Variants in NIPBL observed in about 807,000 individuals in gnomAD.
The protein encoded by NIPBL is nipped-B-like protein.
In NIPBL, 19 loss-of-function variants were observed where a neutral mutation model predicts 321.8. That is an observed-to-expected ratio of 0.06 (90% CI 0.04 to 0.09). The LOEUF is 0.09. NIPBL is among the 10% of genes least tolerant of loss of function. The probability of loss-of-function intolerance (pLI) is 1.00; values close to 1 mark genes in which losing one functional copy is unlikely to be tolerated. For synonymous variants in NIPBL, 1,106 were observed against 1,114.1 expected (o/e 0.99, Z 0.14); for missense variants, 2,210 against 3,327.0 (o/e 0.66, Z 8.26).
At chr5:37,034,317 A>C (rs1751451619) in intron 32 of NIPBL, among the ~76,000 whole-genome samples, 1 of 152,232 alleles carries the variant, frequency 6.6e-6, no homozygotes, top group African/African-American at 2.4e-5. Context: ...ATTTCATAAA[A>C]TTATCTCATA....
intron 1 of NIPBL, among the ~76,000 whole-genome samples, chr5:36,916,349 A>G (rs896077889): frequency 1.3e-5 from 2 of 152,224 alleles, no homozygotes; most frequent in South Asian, 4.1e-4. Flanking sequence ...CTTTTTAACA[A>G]TACAATTAAT....
chr5:36,903,624 G>C (rs1747402388), intron 1 of NIPBL, among the ~76,000 whole-genome samples: 3 of 152,088 alleles, frequency 2.0e-5, no homozygotes, highest in Admixed American at 6.5e-5. Flanking sequence ...TGTTTGGGCT[G>C]AATGAATTCA....
At chr5:37,002,044 T>C (rs1746869751) in intron 14 of NIPBL, among the ~76,000 whole-genome samples, 1 of 152,006 alleles carries the variant, frequency 6.6e-6, no homozygotes, top group Non-Finnish European at 1.5e-5. Flanking sequence ...TAGGATAATA[T>C]GAGGAGGAGT....
At position 37,036,335 on chromosome 5, in the gene NIPBL, GTATATATATATGTATATATATA is replaced by G. The variant is rs770311585; in HGVS notation, c.5863-23_5863-2del. On this transcript the variant is annotated intron_variant, in intron 32 of 46. Coordinates refer to ENST00000282516, the MANE Select transcript of NIPBL (RefSeq NM_133433.4). ...ATACCGGGATTTTTTTTTCTTTTTT[GTATATATATATGTATATATATA>G]TATATATATATGTATATATAGTTGT... 200 of 456,962 alleles carry G rather than the reference GTATATATATATGTATATATATA, an allele frequency of 4.4e-4. 2 individuals are homozygous for G. The highest frequency in any genetic ancestry group is 6.7e-4 in the East Asian group (11 of 16,434). 28.3% of individuals were successfully genotyped at this position (456,962 alleles called of 1,614,324 possible). A position where few individuals can be genotyped will look rare whatever the true frequency, so the allele number is the denominator to read the frequency against.
chr5:36,911,776 C>A (rs935524042), intron 1 of NIPBL, among the ~76,000 whole-genome samples: 3 of 152,066 alleles, frequency 2.0e-5, no homozygotes, highest in African/African-American at 7.2e-5. Flanking sequence ...TTTAAAATGT[C>A]TTTTACCACA....
chr5:36,942,635 G>T (rs1000899820), intron 1 of NIPBL, among the ~76,000 whole-genome samples: 2 of 151,058 alleles, frequency 1.3e-5, no homozygotes, highest in Non-Finnish European at 3.0e-5. Flanking sequence ...CAGCTACTTG[G>T]GGGGCTGAGG....
chr5:37,049,660 AC>A (rs1386651583), intron 40 of NIPBL, among the ~76,000 whole-genome samples: 1 of 152,360 alleles, frequency 6.6e-6, no homozygotes, highest in East Asian at 1.9e-4. Flanking sequence ...AATCTGTTCA[AC>A]AGGGTGGAGT....
intron 42 of NIPBL, among the ~76,000 whole-genome samples, chr5:37,053,564 A>G (rs571460868): frequency 4.6e-5 from 7 of 152,290 alleles, no homozygotes; most frequent in Admixed American, 1.3e-4. Context: ...CTCTCTCTCA[A>G]AATACCCTGT....
At chr5:37,030,236 G>A (rs1477811392) in intron 32 of NIPBL, among the ~76,000 whole-genome samples, 4 of 152,076 alleles carry the variant, frequency 2.6e-5, no homozygotes, top group Non-Finnish European at 5.9e-5. Flanking sequence ...TAGTAAGTTA[G>A]TTTATCCATC....
At chr5:36,885,783 T>A in intron 1 of NIPBL, 1 of 626,578 alleles carries the variant, frequency 1.6e-6, no homozygotes, top group Non-Finnish European at 3.0e-6. Context: ...GACACCAGTG[T>A]CACTTGGCTG....
intron 1 of NIPBL, among the ~76,000 whole-genome samples, chr5:36,922,328 C>G (rs536229987): frequency 6.6e-6 from 1 of 152,082 alleles, no homozygotes; most frequent in South Asian, 2.1e-4. Context: ...TACTCTTACC[C>G]TAAACCTATT....
At position 37,019,394 on chromosome 5, in the gene NIPBL, A is replaced by G. The variant is rs1294757029; in HGVS notation, c.5004A>G (p.Ser1668=). 9 of 1,606,278 alleles carry G rather than the reference A, an allele frequency of 5.6e-6. No homozygotes were observed. The highest frequency in any genetic ancestry group is 7.7e-6 in the Non-Finnish European group (9 of 1,173,034). The part of the protein sequence containing the change: ...YLDENTETDP[S]LVFSRKFYIA... ...ATGAAAACACTGAGACTGATCCTTC[A>G]CTAGTGGTAGGATTCTTTTCCCCTG... The change falls in exon 25 of 47, where the codon TCA becomes TCG. Residue 1668 remains serine, a synonymous_variant. Coordinates refer to ENST00000282516, the MANE Select transcript of NIPBL (RefSeq NM_133433.4).
intron 33 of NIPBL, among the ~76,000 whole-genome samples, chr5:37,037,793 T>G (rs1751878740): frequency 6.6e-6 from 1 of 151,940 alleles, no homozygotes; most frequent in Non-Finnish European, 1.5e-5. Context: ...CCAGTGTATT[T>G]CCTGATTAGC....
chr5:36,997,283 T>G (rs552260729), intron 11 of NIPBL, among the ~76,000 whole-genome samples: 16 of 152,320 alleles, frequency 1.1e-4, no homozygotes, highest in Non-Finnish European at 2.9e-5. Flanking sequence ...CCAGTTTGAT[T>G]TCAAATGACA....
chr5:36,900,988 G>A (rs1355589255), intron 1 of NIPBL, among the ~76,000 whole-genome samples: 2 of 152,092 alleles, frequency 1.3e-5, no homozygotes, highest in Non-Finnish European at 2.9e-5. Flanking sequence ...TACATGTGCA[G>A]GTTTGTTACA....
intron 8 of NIPBL, among the ~76,000 whole-genome samples, chr5:36,974,265 T>C (rs1188218243): frequency 6.6e-6 from 1 of 152,162 alleles, no homozygotes; most frequent in Non-Finnish European, 1.5e-5. Context: ...CTCACTAATA[T>C]ATTATTCACC....
chr5:37,043,471 G>C (rs1257677923), intron 34 of NIPBL, among the ~76,000 whole-genome samples: 1 of 151,656 alleles, frequency 6.6e-6, no homozygotes, highest in Non-Finnish European at 1.5e-5. Flanking sequence ...AGGTTGCAGT[G>C]AGCCAAGATC....
chr5:36,901,512 T>TC (rs1284558964), intron 1 of NIPBL, among the ~76,000 whole-genome samples: 6 of 137,938 alleles, frequency 4.3e-5, no homozygotes, highest in Non-Finnish European at 7.6e-5. Context: ...TTTTTTTTTT[T>TC]TTTTTTTTTT....
At chr5:36,950,095 C>T (rs771667300) in intron 1 of NIPBL, among the ~76,000 whole-genome samples, 7 of 151,908 alleles carry the variant, frequency 4.6e-5, no homozygotes, top group Admixed American at 6.6e-5. Flanking sequence ...TGCTTTCTGT[C>T]GCCAGTATTT....
Sources: allele counts gnomAD v4.1 joint callset (sites outside exome capture counted in the v4.1 genomes callset), GRCh38; gene constraint gnomAD v4.1.1; transcripts MANE v1.5; gene names NCBI Gene and HGNC (gene_info 2026-07-23, HGNC 2026-07-21).